VWA3B: variants seen among roughly 807,000 people sequenced by gnomAD.
VWA3B encodes the protein von Willebrand factor A domain containing 3B.
VWA3B carries 138 observed loss-of-function variants against 158.3 expected under a neutral mutation model. That is an observed-to-expected ratio of 0.87 (90% CI 0.76 to 1.00). VWA3B has a LOEUF of 1.00. VWA3B is among the 50% of genes least tolerant of loss of function. The pLI is 0.00. For synonymous variants in VWA3B, 596 were observed against 587.3 expected (o/e 1.01, Z -0.21); for missense variants, 1,555 against 1,565.1 (o/e 0.99, Z 0.11).
At chr2:98,264,647 G>A (rs139182943) in intron 21 of VWA3B, among the ~76,000 whole-genome samples, 1 of 152,180 alleles carries the variant, frequency 6.6e-6, no homozygotes, top group Non-Finnish European at 1.5e-5. Context: ...CTATTCTGGA[G>A]AATATTCCAT....
At chr2:98,121,274 G>T in intron 4 of VWA3B, 25 bp from the exon 5 acceptor site, 1 of 1,604,208 alleles carries the variant, frequency 6.2e-7, no homozygotes, top group South Asian at 1.1e-5. Flanking sequence ...ACTGCCCAGT[G>T]ACCACTCCAT....
At chr2:98,316,744 G>A (rs1195402962), downstream of VWA3B, among the ~76,000 whole-genome samples, 6 of 151,810 alleles carry the variant, frequency 4.0e-5, no homozygotes, top group Admixed American at 1.3e-4. Context: ...TAATGCTTTA[G>A]TACCATCCCT....
rs1684015212 is a variant in VWA3B, at chr2:98,216,674, G to A, written c.1837-1172G>A. On this transcript the variant is annotated intron_variant, in intron 13 of 27. Transcript: ENST00000477737. ...GGAATGGGGAAAGTGGCTCAGGTGT[G>A]CTGCTTGGCCTTATCCTAGGCTGAC... is the stretch of plus-strand genomic sequence containing the variant. 2.3e-5 allele frequency: 11 copies of A among 470,440 alleles called. No homozygotes were observed. In the Admixed American group the frequency reaches 2.6e-4, roughly 11 times the overall value. 29.1% of individuals were successfully genotyped at this position (470,440 alleles called of 1,614,324 possible). A position where few individuals can be genotyped will look rare whatever the true frequency, so the allele number is the denominator to read the frequency against.
chr2:98,173,982 T>C (rs1328816959), intron 8 of VWA3B, among the ~76,000 whole-genome samples: 1 of 146,010 alleles, frequency 6.8e-6, no homozygotes, highest in Non-Finnish European at 1.5e-5. Context: ...AAAAAAAAAA[T>C]GACTGTGGAA....
chr2:98,306,744 T>C (rs1013212654), intron 26 of VWA3B, among the ~76,000 whole-genome samples: 2 of 152,308 alleles, frequency 1.3e-5, no homozygotes, highest in South Asian at 2.1e-4. Context: ...AAAGCCTTTG[T>C]TTTCCATCTT....
chr2:98,179,600 C>T (rs1680304388), intron 8 of VWA3B, among the ~76,000 whole-genome samples: 1 of 152,170 alleles, frequency 6.6e-6, no homozygotes. Flanking sequence ...TCTCTTTCCA[C>T]CACATTACAG....
chr2:98,111,491 G>T (rs1674130008), intron 2 of VWA3B, among the ~76,000 whole-genome samples: 1 of 152,088 alleles, frequency 6.6e-6, no homozygotes, highest in South Asian at 2.1e-4. Context: ...TTCCATAGAG[G>T]TTGTACTAAT....
intron 22 of VWA3B, among the ~76,000 whole-genome samples, chr2:98,271,655 A>G (rs999252798): frequency 2.0e-5 from 3 of 152,196 alleles, no homozygotes; most frequent in Non-Finnish European, 4.4e-5. Flanking sequence ...TAAATGTTAA[A>G]CATTTATAGT....
intron 21 of VWA3B, among the ~76,000 whole-genome samples, chr2:98,261,158 C>G (rs1392780095): frequency 6.6e-6 from 1 of 151,598 alleles, no homozygotes; most frequent in Non-Finnish European, 1.5e-5. Flanking sequence ...TCGTTGTGAT[C>G]GCTCTTTATT....
chr2:98,202,208 T>G (rs79016474), intron 12 of VWA3B, among the ~76,000 whole-genome samples: 6,696 of 152,220 alleles, frequency 0.044, 226 homozygotes, highest in Non-Finnish European at 0.069. Context: ...CTATTCAGAT[T>G]ATCTGTACCT....
In VWA3B at chr2:98,300,149, T is replaced by C; in HGVS notation, c.3353T>C (p.Ile1118Thr). The change falls in exon 25 of 28, where the codon ATA becomes ACA. Residue 1118 changes from isoleucine (I) to threonine (T), a missense_variant. By Grantham distance (89) the Ile-to-Thr change is moderately conservative (BLOSUM62 -1). Coordinates refer to ENST00000477737, the MANE Select transcript of VWA3B (RefSeq NM_144992.5). ...GACTTCTATGTCCCTGCCATTGTCA[T>C]AGCACTTCCCAATAAGCATGTGGCC... ...GFDFYVPAIV[I>T]ALPNKHVATE... The C allele has an allele frequency of 6.2e-7, 1 of 1,614,242 alleles. No homozygotes were observed. The highest frequency in any genetic ancestry group is 8.5e-7 in the Non-Finnish European group (1 of 1,180,048).
At chr2:98,191,332 G>C (rs1464875019) in intron 10 of VWA3B, among the ~76,000 whole-genome samples, 3 of 152,090 alleles carry the variant, frequency 2.0e-5, no homozygotes, top group Non-Finnish European at 2.9e-5. Context: ...TGTTTCTGTT[G>C]ATCAGTTTTT....
chr2:98,283,972 G>A (rs1689026574), intron 22 of VWA3B, among the ~76,000 whole-genome samples: 1 of 152,162 alleles, frequency 6.6e-6, no homozygotes. Context: ...AGAATGCTTA[G>A]GTTTCTCCTC....
rs543726491 is a variant in VWA3B, at chr2:98,245,509, A to G, written c.2674-4809A>G. On this transcript the variant is annotated intron_variant, in intron 19 of 27. Coordinates refer to ENST00000477737, the MANE Select transcript of VWA3B (RefSeq NM_144992.5). Reference sequence around the variant, plus strand: ...CTGGATCTGCATGTGGAGAGGACGGAGAGTGGGTGCACACAAGCCAAATCT... The same window carrying G: ...CTGGATCTGCATGTGGAGAGGACGGGGAGTGGGTGCACACAAGCCAAATCT... 1.5e-3 allele frequency: 682 copies of G among 456,244 alleles called. 13 individuals are homozygous for G. Among genetic ancestry groups the G allele is most frequent in the South Asian group, 0.01 (647 of 64,430 alleles). 28.3% of individuals were successfully genotyped at this position (456,244 alleles called of 1,614,324 possible).
chr2:98,205,067 G>A (rs998649730), intron 12 of VWA3B, among the ~76,000 whole-genome samples: 17 of 152,118 alleles, frequency 1.1e-4, no homozygotes, highest in East Asian at 3.8e-4. Context: ...CTGAGATGGC[G>A]TCACTGCACT....
At chr2:98,132,106 T>C (rs1381323250) in intron 6 of VWA3B, among the ~76,000 whole-genome samples, 1 of 152,214 alleles carries the variant, frequency 6.6e-6, no homozygotes, top group African/African-American at 2.4e-5. Flanking sequence ...ATCTGGGGCA[T>C]GCTAGAGCCC....
At chr2:98,087,542 G>T (rs1239211069) in intron 1 of VWA3B, among the ~76,000 whole-genome samples, 179 bp downstream of exon 1, 1 of 152,106 alleles carries the variant, frequency 6.6e-6, no homozygotes, top group African/African-American at 2.4e-5. Flanking sequence ...TTAATCGTCC[G>T]CTACCCAGGG....
intron 12 of VWA3B, among the ~76,000 whole-genome samples, chr2:98,202,949 C>T (rs1362295278): frequency 6.6e-6 from 1 of 152,206 alleles, no homozygotes; most frequent in Admixed American, 6.5e-5. Context: ...TCTCCTGCCT[C>T]AGCCTCCAGA....
chr2:98,091,625 A>G (rs1159822140), intron 1 of VWA3B, among the ~76,000 whole-genome samples: 1 of 152,206 alleles, frequency 6.6e-6, no homozygotes, highest in Non-Finnish European at 1.5e-5. Flanking sequence ...TGCACATAAC[A>G]TGATGTTAAA....
Sources: gnomAD v4.1 joint callset for allele counts (sites outside exome capture counted in the v4.1 genomes callset) on GRCh38, gnomAD v4.1.1 for gene constraint, MANE v1.5 for transcripts, NCBI Gene and HGNC (gene_info 2026-07-23, HGNC 2026-07-21) for gene names.